The following TRIM67 variants were observed in gnomAD, a reference collection of about 807,000 sequenced individuals.
The protein encoded by TRIM67 is tripartite motif containing 67, also known as tripartite motif-containing protein 67.
In TRIM67, 39 loss-of-function variants were observed where a neutral mutation model predicts 71.0. The observed-to-expected ratio is 0.55, with a 90% CI of 0.43 to 0.72. The LOEUF (loss-of-function observed/expected upper bound fraction) is 0.72. TRIM67 is among the 30% of genes least tolerant of loss of function. TRIM67 has a pLI of 0.00. For missense variants in TRIM67, 973 were observed against 1,079.2 expected, an observed-to-expected ratio of 0.90 and a Z score of 1.38; for synonymous variants, 481 against 473.9, an observed-to-expected ratio of 1.01 and a Z score of -0.19.
chr1:231,219,188 A>G lies in TRIM67; in HGVS notation c.*3748A>G, dbSNP rs948147400. ...CCGTGGGGTGGCGCCAGGGTTTCTC[A>G]ACCTCTACTGACATTTTGCGATAGG... is the stretch of plus-strand genomic sequence containing the variant. On this transcript the variant is annotated 3_prime_UTR_variant, in exon 10 of 10. Transcript: ENST00000366653. 2.0e-6 allele frequency: 2 copies of G among 985,400 alleles called. No individual in the cohort carries two copies. The highest frequency in any genetic ancestry group is 2.4e-6 in the Non-Finnish European group (2 of 830,084). 61.0% of individuals were successfully genotyped at this position (985,400 alleles called of 1,614,324 possible). A position where few individuals can be genotyped will look rare whatever the true frequency, so the allele number is the denominator to read the frequency against.
At chr1:231,208,257 T>A (rs1348904827) in intron 7 of TRIM67, among the ~76,000 whole-genome samples, 1 of 151,266 alleles carries the variant, frequency 6.6e-6, no homozygotes, top group Non-Finnish European at 1.5e-5. Context: ...CACTGCAAGC[T>A]CTGTCTCCCA....
chr1:231,216,767 A>G lies in TRIM67; in HGVS notation c.*1327A>G, dbSNP rs2019492072. On this transcript the variant is annotated 3_prime_UTR_variant, in exon 10 of 10. Coordinates refer to ENST00000366653, the MANE Select transcript of TRIM67 (RefSeq NM_001004342.5). ...ACCAGGCTTCTCCCTTGAGATCCAC[A>G]TTGATTCATCCACACCTCTCAGAGA... 2.0e-6 allele frequency: 2 copies of G among 985,490 alleles called. No individual in the cohort carries two copies. Among genetic ancestry groups the G allele is most frequent in the Non-Finnish European group, 2.4e-6 (2 of 829,954 alleles). The allele number at this position is 985,490 out of a possible 1,614,324, so 61.0% of individuals were successfully genotyped here.
chr1:231,209,369 C>A lies in TRIM67; in HGVS notation c.2123+119C>A. The A allele has an allele frequency of 8.3e-7, 1 of 1,201,386 alleles. No homozygotes were observed. Among genetic ancestry groups the A allele is most frequent in the Non-Finnish European group, 1.1e-6 (1 of 886,670 alleles). 74.4% of individuals were successfully genotyped at this position (1,201,386 alleles called of 1,614,324 possible). ...AGGAGGAATTGAGAGGAGGTATTTT[C>A]AGCCACTTTGGTCTCCATTTTCTAG... is the stretch of plus-strand genomic sequence containing the variant. On this transcript the variant is annotated intron_variant, in intron 8 of 9. Coordinates refer to ENST00000366653, the MANE Select transcript of TRIM67 (RefSeq NM_001004342.5). This position sits in a 1 kb window ranked among gnomAD's most constrained non-coding sequence, Gnocchi z 4.1.
At chr1:231,206,888 G>A in intron 7 of TRIM67, 98 bp downstream of exon 7, 3 of 1,331,122 alleles carry the variant, frequency 2.3e-6, no homozygotes, top group Non-Finnish European at 3.0e-6. Flanking sequence ...TGGGGTAGGG[G>A]TGGGGGGTGG....
chr1:231,169,125 C>G (rs1682555791), intron 1 of TRIM67, among the ~76,000 whole-genome samples: 2 of 152,162 alleles, frequency 1.3e-5, no homozygotes, highest in Admixed American at 1.3e-4. Flanking sequence ...TGGCGCTACT[C>G]AGCTCACTGC....
chr1:231,168,146 G>C (rs1682527917), intron 1 of TRIM67, among the ~76,000 whole-genome samples: 1 of 151,610 alleles, frequency 6.6e-6, no homozygotes, highest in Admixed American at 6.6e-5. Context: ...AAAATTTTTT[G>C]TAGAAATGAG....
rs759061291 is a variant in TRIM67 at position 231,199,077 on chromosome 1, G to A, written c.1171G>A (p.Val391Ile). 3.1e-5 allele frequency: 50 copies of A among 1,613,810 alleles called. No homozygotes were observed. Among genetic ancestry groups the A allele is most frequent in the Non-Finnish European group, 3.9e-5 (46 of 1,179,876 alleles). The change falls in exon 3 of 10, where the codon GTT becomes ATT. Residue 391 changes from valine (V) to isoleucine (I), a missense_variant. Physicochemically the swap from Val to Ile is conservative, Grantham distance 29 (BLOSUM62 3). Around this residue, in one of 2 missense-constraint regions of TRIM67, gnomAD observed 795 missense variants for 831.3 expected, o/e 0.96. Transcript: ENST00000366653. ...CGGACTGGACTACGAAGCCTGCCTC[G>A]TTGCTCAGTGTGATGCCCTTGTGGA... ...ENGLDYEACL[V>I]AQCDALVDAL...
Position 231,215,856 on chromosome 1 carries a change from A to C in TRIM67, c.*416A>C. 1 of 1,003,046 alleles carries C rather than the reference A, an allele frequency of 1.0e-6. No individual in the cohort carries two copies. Among genetic ancestry groups the C allele is most frequent in the South Asian group, 4.7e-5 (1 of 21,486 alleles). The allele number at this position is 1,003,046 out of a possible 1,614,324, so 62.1% of individuals were successfully genotyped here. A position where few individuals can be genotyped will look rare whatever the true frequency, so the allele number is the denominator to read the frequency against. On this transcript the variant is annotated 3_prime_UTR_variant, in exon 10 of 10. Transcript: ENST00000366653. ...CAGTCAGGAGCTGCGCTGTAATCCC[A>C]CGCCCCGGGTGTTGGCCCTCCGTGG...
At chr1:231,211,357 C>T (rs1683863912) in intron 8 of TRIM67, among the ~76,000 whole-genome samples, 1 of 152,036 alleles carries the variant, frequency 6.6e-6, no homozygotes, top group Non-Finnish European at 1.5e-5. Flanking sequence ...TGTCCTCCCA[C>T]CCTCGGATGT....
intron 8 of TRIM67, among the ~76,000 whole-genome samples, chr1:231,211,979 G>A (rs978461845): frequency 6.6e-6 from 1 of 152,178 alleles, no homozygotes; most frequent in Non-Finnish European, 1.5e-5. Flanking sequence ...GCGAGTTAAG[G>A]AAACGCTACA....
rs577788048 is a variant in TRIM67, at chr1:231,176,962, G to C, written c.1044+12949G>C. Reference sequence around the variant, plus strand: ...TCTCAATTTGCTCAGCTAAGTTAAGGGGCTAGAGATGGGGAGAAAGGGGTA... The same window carrying C: ...TCTCAATTTGCTCAGCTAAGTTAAGCGGCTAGAGATGGGGAGAAAGGGGTA... On this transcript the variant is annotated intron_variant, in intron 1 of 9. Coordinates refer to ENST00000366653, the MANE Select transcript of TRIM67 (RefSeq NM_001004342.5). Among the ~76,000 whole-genome samples the C allele has an allele frequency of 1.1e-4, 16 of 146,154 alleles. No individual in the cohort carries two copies. In the East Asian group the frequency reaches 3.1e-3, roughly 28 times the overall value.
chr1:231,209,793 G>A lies in TRIM67; in HGVS notation c.2123+543G>A, dbSNP rs1413599427. On this transcript the variant is annotated intron_variant, in intron 8 of 9. Coordinates refer to ENST00000366653, the MANE Select transcript of TRIM67 (RefSeq NM_001004342.5). This position sits in a 1 kb window ranked among gnomAD's most constrained non-coding sequence, Gnocchi z 4.1. Reference sequence around the variant, plus strand: ...GCTCACTACTAACGAGCCTGCCAAGGGTGCCCACAGCTGTGGCTTTGCCCT... The same window carrying A: ...GCTCACTACTAACGAGCCTGCCAAGAGTGCCCACAGCTGTGGCTTTGCCCT... Among the ~76,000 whole-genome samples, 2 of 152,200 alleles carry A rather than the reference G, an allele frequency of 1.3e-5. No homozygotes were observed. The highest frequency in any genetic ancestry group is 1.9e-4 in the East Asian group (1 of 5,186).
At chr1:231,203,805 G>T in intron 5 of TRIM67, 62 bp from the exon 6 acceptor site, 1 of 1,557,850 alleles carries the variant, frequency 6.4e-7, no homozygotes, top group South Asian at 1.2e-5. Context: ...GGGTGGGGTG[G>T]GGGACCGGGC....
chr1:231,174,309 C>A, intron 1 of TRIM67, among the ~76,000 whole-genome samples: 1 of 151,832 alleles, frequency 6.6e-6, no homozygotes, highest in Non-Finnish European at 1.5e-5. Flanking sequence ...GAGGCACATG[C>A]CATCATGCCT....
chr1:231,206,938 G>A, intron 7 of TRIM67, 148 bp downstream of exon 7: 1 of 789,898 alleles, frequency 1.3e-6, no homozygotes, highest in Non-Finnish European at 1.9e-6. Context: ...GTGCCCTTCT[G>A]GGACCACAGG....
At chr1:231,211,644 G>A (rs1180836644) in intron 8 of TRIM67, among the ~76,000 whole-genome samples, 1 of 152,152 alleles carries the variant, frequency 6.6e-6, no homozygotes, top group African/African-American at 2.4e-5. Flanking sequence ...GTCCTCCTCG[G>A]GACTTCCTGT....
intron 1 of TRIM67, among the ~76,000 whole-genome samples, chr1:231,195,686 G>C (rs1445263222): frequency 6.6e-6 from 1 of 152,190 alleles, no homozygotes; most frequent in Non-Finnish European, 1.5e-5. Flanking sequence ...CCTACTCCCT[G>C]TGTCTTTTTG....
chr1:231,211,579 A>C (rs1456774204), intron 8 of TRIM67, among the ~76,000 whole-genome samples: 1 of 152,066 alleles, frequency 6.6e-6, no homozygotes, highest in Non-Finnish European at 1.5e-5. Context: ...CGCCCCGGGC[A>C]CCCTCGGGGG....
rs765449905 is a variant in TRIM67 at position 231,184,985 on chromosome 1, T to C, written c.1045-12386T>C. On this transcript the variant is annotated intron_variant, in intron 1 of 9. Transcript: ENST00000366653. ...CTGGATAAACACCCAGCAGTGCTCCTGAATGGGTGGCCGGCAGGTTGGGGA... is the reference window on the plus strand; with the variant it reads ...CTGGATAAACACCCAGCAGTGCTCCCGAATGGGTGGCCGGCAGGTTGGGGA... The C allele has an allele frequency of 2.4e-5, 37 of 1,524,974 alleles. No homozygotes were observed. In the East Asian group the frequency reaches 4.2e-4, roughly 17 times the overall value. The allele number at this position is 1,524,974 out of a possible 1,614,324, so 94.5% of individuals were successfully genotyped here. A position where few individuals can be genotyped will look rare whatever the true frequency, so the allele number is the denominator to read the frequency against.
Sources: allele counts gnomAD v4.1 joint callset (sites outside exome capture counted in the v4.1 genomes callset), GRCh38; gene constraint gnomAD v4.1.1; regional missense constraint gnomAD v4.1.1; non-coding constraint Gnocchi (gnomAD v3.1); transcripts MANE v1.5; gene names NCBI Gene and HGNC (gene_info 2026-07-23, HGNC 2026-07-21).